TMEM267: variants seen among roughly 807,000 people sequenced by gnomAD.
TMEM267 encodes the protein transmembrane protein C5orf28.
Under a neutral mutation model 19.3 loss-of-function variants are expected in TMEM267, and 20 were observed. That is an observed-to-expected ratio of 1.04 (90% CI 0.73 to 1.51). The LOEUF (loss-of-function observed/expected upper bound fraction) is 1.51. Among genes scored for constraint, TMEM267 ranks in the 40% most tolerant of loss-of-function variants. The pLI, the probability that TMEM267 is intolerant of heterozygous loss-of-function variation, is 0.00. For synonymous variants in TMEM267, 88 were observed against 90.3 expected, an observed-to-expected ratio of 0.97 and a Z score of 0.15; for missense variants, 242 against 261.9, an observed-to-expected ratio of 0.92 and a Z score of 0.52.
intron 1 of TMEM267, chr5:43,479,836 C>G (rs551347830): frequency 4.7e-6 from 2 of 423,136 alleles, no homozygotes; most frequent in Admixed American, 3.0e-5. Context: ...ATAATGATTT[C>G]CAGGTACTCT....
intron 1 of TMEM267, among the ~76,000 whole-genome samples, chr5:43,483,049 C>T (rs1305958547): frequency 6.6e-6 from 1 of 152,174 alleles, no homozygotes; most frequent in African/African-American, 2.4e-5. Flanking sequence ...TTATGCTTTA[C>T]CAGTAAGTCT....
At chr5:43,482,200 A>T (rs761870844) in intron 1 of TMEM267, among the ~76,000 whole-genome samples, 7 of 152,204 alleles carry the variant, frequency 4.6e-5, no homozygotes, top group Non-Finnish European at 1.0e-4. Context: ...CACAATAGAT[A>T]CGTAGAAGAG....
chr5:43,478,560 C>T (rs1294433666), intron 1 of TMEM267, among the ~76,000 whole-genome samples: 2 of 152,104 alleles, frequency 1.3e-5, no homozygotes, highest in Non-Finnish European at 2.9e-5. Flanking sequence ...ATCTGATAGG[C>T]ATGACTACAC....
chr5:43,466,245 G>C (rs963659450), intron 1 of TMEM267, among the ~76,000 whole-genome samples: 1 of 152,050 alleles, frequency 6.6e-6, no homozygotes, highest in African/African-American at 2.4e-5. Context: ...AATCCTAAAA[G>C]CAGCAAGAGA....
intron 1 of TMEM267, among the ~76,000 whole-genome samples, chr5:43,471,701 T>A (rs1744085377): frequency 6.6e-6 from 1 of 152,096 alleles, no homozygotes; most frequent in South Asian, 2.1e-4. Flanking sequence ...GAAAAGACAG[T>A]CTATTCAACA....
intron 1 of TMEM267, among the ~76,000 whole-genome samples, chr5:43,464,676 G>A (rs2112122200): frequency 6.6e-6 from 1 of 152,344 alleles, no homozygotes; most frequent in African/African-American, 2.4e-5. Context: ...TCTGATCTTT[G>A]ACAAACCTGA....
chr5:43,476,858 G>C (rs765116190), intron 1 of TMEM267, among the ~76,000 whole-genome samples: 1 of 150,624 alleles, frequency 6.6e-6, no homozygotes, highest in Non-Finnish European at 1.5e-5. Flanking sequence ...GTGCAAGGAA[G>C]GGCAAAAACA....
In TMEM267 at chr5:43,453,749, T is replaced by G. The variant is rs1256521466; in HGVS notation, c.221A>C (p.Lys74Thr). Residue 74 changes from lysine to threonine, a missense_variant, in exon 2 of 3, where the codon AAG (lysine) becomes ACG (threonine). Lys to Thr is a moderately conservative substitution (Grantham distance 78). Coordinates refer to ENST00000397080, the MANE Select transcript of TMEM267 (RefSeq NM_022483.5). ...TAAAATGATTTCTCCAAAGTCAGTC[T>G]TCTTCTTGATTCCAGTGACTACCGC... ...SWAVVTGIKK[K>T]TDFGEIILAG... 1 of 1,613,962 alleles carries G rather than the reference T, an allele frequency of 6.2e-7. No individual in the cohort carries two copies. The highest frequency in any genetic ancestry group is 1.3e-5 in the African/African-American group (1 of 74,932).
At chr5:43,448,679 G>A (rs893617558) in intron 2 of TMEM267, among the ~76,000 whole-genome samples, 1 of 151,990 alleles carries the variant, frequency 6.6e-6, no homozygotes, top group African/African-American at 2.4e-5. Flanking sequence ...GGGAGGCTGA[G>A]GTAGGAGAAT....
At chr5:43,464,998 C>T (rs1743552060) in intron 1 of TMEM267, among the ~76,000 whole-genome samples, 1 of 152,124 alleles carries the variant, frequency 6.6e-6, no homozygotes. Context: ...GCAAAAGAAA[C>T]TACCATCAGA....
chr5:43,459,761 TC>T (rs1228481912), intron 1 of TMEM267, among the ~76,000 whole-genome samples: 1 of 152,184 alleles, frequency 6.6e-6, no homozygotes, highest in African/African-American at 2.4e-5. Context: ...TATTTCATAC[TC>T]AGGTATACAA....
At chr5:43,470,890 T>G (rs970047828) in intron 1 of TMEM267, among the ~76,000 whole-genome samples, 1 of 151,644 alleles carries the variant, frequency 6.6e-6, no homozygotes, top group African/African-American at 2.4e-5. Context: ...TAGAAAAGCA[T>G]GAGCAAACCA....
At chr5:43,480,137 C>A (rs914088441) in intron 1 of TMEM267, 1 of 257,340 alleles carries the variant, frequency 3.9e-6, no homozygotes, top group African/African-American at 2.4e-5. Flanking sequence ...ATGGCCAACC[C>A]AGAGCAGCGG....
intron 1 of TMEM267, among the ~76,000 whole-genome samples, chr5:43,461,854 G>A (rs1290612764): frequency 6.6e-6 from 1 of 152,178 alleles, no homozygotes; most frequent in Non-Finnish European, 1.5e-5. Context: ...CCCAGGGCCT[G>A]GGGGACCTCA....
In TMEM267 at chr5:43,444,794, A is replaced by C. The variant is rs1742151252; in HGVS notation, c.*1428T>G. On this transcript the variant is annotated 3_prime_UTR_variant, in exon 3 of 3. Transcript: ENST00000397080. Reference sequence around the variant, plus strand: ...ATTTACCATTATACCAACCAAACTTATACAATAATTACTCTTGAAAAATAA... The same window carrying C: ...ATTTACCATTATACCAACCAAACTTCTACAATAATTACTCTTGAAAAATAA... 1 of 152,120 alleles carries C rather than the reference A, an allele frequency of 6.6e-6. No homozygotes were observed. The highest frequency in any genetic ancestry group is 1.5e-5 in the Non-Finnish European group (1 of 68,022). The allele number at this position is 152,120 out of a possible 1,614,324, so 9.4% of individuals were successfully genotyped here. A position where few individuals can be genotyped will look rare whatever the true frequency, so the allele number is the denominator to read the frequency against.
rs192915253 is a variant in TMEM267 at position 43,478,584 on chromosome 5, C to A, written c.-75+5238G>T. 6.2e-4 allele frequency among the ~76,000 whole-genome samples: 94 copies of A among 152,184 alleles called. 1 individual carries two copies. The highest frequency in any genetic ancestry group is 3.4e-3 in the Middle Eastern group (1 of 294). ...GCATGACTACACAATAAAGTTTCTG[C>A]ATGGCAAAGTTAAAGACAAATAAAT... On this transcript the variant is annotated intron_variant, in intron 1 of 2. Transcript: ENST00000397080.
At chr5:43,451,675 T>G (rs1439706481) in intron 2 of TMEM267, among the ~76,000 whole-genome samples, 1 of 152,188 alleles carries the variant, frequency 6.6e-6, no homozygotes, top group African/African-American at 2.4e-5. Flanking sequence ...ATAACCTCTA[T>G]GGAAAACAAT....
intron 2 of TMEM267, among the ~76,000 whole-genome samples, chr5:43,449,579 C>T (rs567716026): frequency 4.6e-5 from 7 of 152,298 alleles, no homozygotes; most frequent in African/African-American, 1.4e-4. Flanking sequence ...GATAAAAGAA[C>T]AGTTTTTAAG....
At chr5:43,483,523 G>C (rs955594375) in intron 1 of TMEM267, among the ~76,000 whole-genome samples, 2 of 152,172 alleles carry the variant, frequency 1.3e-5, no homozygotes, top group East Asian at 1.9e-4. Flanking sequence ...GGCGCGGAGC[G>C]TAGGCGGAGG....
Sources: allele counts gnomAD v4.1 joint callset (sites outside exome capture counted in the v4.1 genomes callset), GRCh38; gene constraint gnomAD v4.1.1; transcripts MANE v1.5; gene names NCBI Gene and HGNC (gene_info 2026-07-23, HGNC 2026-07-21).